The following EPB41L2 variants were observed in gnomAD, a reference collection of about 807,000 sequenced individuals.
EPB41L2 encodes the protein erythrocyte membrane protein band 4.1 like 2, also known as band 4.1-like protein 2.
A neutral mutation model predicts 113.0 loss-of-function variants in EPB41L2; 43 were observed. The observed-to-expected ratio is 0.38, with a 90% CI of 0.30 to 0.49. EPB41L2 has a LOEUF of 0.49. Ranked by LOEUF, EPB41L2 falls within the 20% of genes least tolerant of loss-of-function variation. The probability of loss-of-function intolerance (pLI) is 0.95; values close to 1 mark genes in which losing one functional copy is unlikely to be tolerated. For synonymous variants in EPB41L2, 442 were observed against 436.7 expected (o/e 1.01, Z -0.15); for missense variants, 1,147 against 1,223.4 (o/e 0.94, Z 0.93).
intron 1 of EPB41L2, among the ~76,000 whole-genome samples, chr6:131,041,118 A>G (rs898163239): frequency 6.6e-6 from 1 of 152,226 alleles, no homozygotes; most frequent in African/African-American, 2.4e-5. Flanking sequence ...GAATGACTGG[A>G]GAGACTTTAA....
intron 3 of EPB41L2, 60 bp downstream of exon 3, chr6:130,955,045 T>C: frequency 6.8e-7 from 1 of 1,459,908 alleles, no homozygotes; most frequent in Non-Finnish European, 9.5e-7. Flanking sequence ...AAAAATCTAT[T>C]CATCATGCCA....
chr6:130,981,453 G>A (rs1160864239), intron 1 of EPB41L2, among the ~76,000 whole-genome samples: 1 of 152,154 alleles, frequency 6.6e-6, no homozygotes, highest in African/African-American at 2.4e-5. Flanking sequence ...CAGTTTAAAA[G>A]ACAAGATAAT....
At chr6:130,932,495 A>G (rs1807237696) in intron 3 of EPB41L2, among the ~76,000 whole-genome samples, 1 of 152,206 alleles carries the variant, frequency 6.6e-6, no homozygotes, top group Admixed American at 6.5e-5. Context: ...GCCCCAGATA[A>G]AGAGAACCAC....
intron 19 of EPB41L2, among the ~76,000 whole-genome samples, chr6:130,842,838 A>C (rs1389708701): frequency 6.6e-6 from 1 of 152,228 alleles, no homozygotes; most frequent in Admixed American, 6.5e-5. Flanking sequence ...AGTTACCCAA[A>C]TAAACTCAAA....
intron 1 of EPB41L2, among the ~76,000 whole-genome samples, chr6:131,045,883 T>A (rs1795341367): frequency 6.6e-6 from 1 of 151,640 alleles, no homozygotes; most frequent in African/African-American, 2.4e-5. Context: ...TATAAAGATA[T>A]AAAGATACCA....
At chr6:130,974,707 C>CT (rs1212699869) in intron 1 of EPB41L2, among the ~76,000 whole-genome samples, 5 of 87,234 alleles carry the variant, frequency 5.7e-5, no homozygotes, top group Non-Finnish European at 1.3e-4. Flanking sequence ...CCTCTTTTTT[C>CT]TTTTCTTTTC....
chr6:130,879,212 C>T (rs147831368), intron 13 of EPB41L2, among the ~76,000 whole-genome samples: 12 of 152,298 alleles, frequency 7.9e-5, no homozygotes, highest in Admixed American at 5.2e-4. Flanking sequence ...TATTCATGCA[C>T]AAGCATAGTA....
chr6:130,964,127 C>T (rs9402303), intron 1 of EPB41L2, among the ~76,000 whole-genome samples: 76,225 of 151,620 alleles, frequency 0.5, 21,872 homozygotes, highest in East Asian at 0.94. Context: ...GTTCAAGCGA[C>T]TCTCCTGCCT....
At chr6:130,845,897 G>C (rs1776909775) in intron 19 of EPB41L2, among the ~76,000 whole-genome samples, 1 of 152,136 alleles carries the variant, frequency 6.6e-6, no homozygotes, top group Non-Finnish European at 1.5e-5. Flanking sequence ...AGCATCTATG[G>C]GAATGTCTGA....
At chr6:131,054,926 G>A (rs1797320510) in intron 1 of EPB41L2, among the ~76,000 whole-genome samples, 2 of 152,216 alleles carry the variant, frequency 1.3e-5, no homozygotes, top group Non-Finnish European at 2.9e-5. Context: ...ACAGGCTTCA[G>A]ATGTACCTAA....
intron 1 of EPB41L2, among the ~76,000 whole-genome samples, chr6:131,025,072 T>C (rs569556563): frequency 6.6e-6 from 1 of 152,104 alleles, no homozygotes; most frequent in Non-Finnish European, 1.5e-5. Flanking sequence ...AGCCTATGCT[T>C]TTTAGATTGC....
rs759990615 is a variant in EPB41L2, at chr6:130,869,700, G to T, written c.2470C>A (p.Pro824Thr). ...IQENVGAQKI[P>T]GEKSVHEGAL... The stretch of plus-strand genomic sequence containing the variant: ...CCTTCGTGTACACTCTTCTCTCCGG[G>T]TATCTTTTGGGCACCTACATTTTCC... The change falls in exon 15 of 20, where the codon CCC becomes ACC. Residue 824 changes from proline to threonine, a missense_variant. Coordinates refer to ENST00000337057, the MANE Select transcript of EPB41L2 (RefSeq NM_001431.4). 5.2e-5 allele frequency: 84 copies of T among 1,614,054 alleles called. 3 individuals are homozygous for T. The South Asian group carries it at 9.0e-4, about 17-fold the overall frequency.
intron 1 of EPB41L2, among the ~76,000 whole-genome samples, chr6:130,963,693 A>T (rs1774215243): frequency 6.6e-6 from 1 of 152,242 alleles, no homozygotes; most frequent in South Asian, 2.1e-4. Flanking sequence ...CCAGCAACTA[A>T]GGCAATCTTG....
intron 3 of EPB41L2, among the ~76,000 whole-genome samples, chr6:130,950,685 T>G (rs577714717): frequency 6.6e-6 from 1 of 152,228 alleles, no homozygotes; most frequent in East Asian, 1.9e-4. Context: ...TTTATGAGGA[T>G]AGAATACAAC....
At chr6:131,047,706 G>C (rs1795724744) in intron 1 of EPB41L2, among the ~76,000 whole-genome samples, 1 of 152,086 alleles carries the variant, frequency 6.6e-6, no homozygotes, top group African/African-American at 2.4e-5. Context: ...AGGTTGCTTT[G>C]ATTTTTATAA....
chr6:130,990,591 G>T (rs1240862883), intron 1 of EPB41L2, among the ~76,000 whole-genome samples: 2 of 152,190 alleles, frequency 1.3e-5, no homozygotes, highest in Non-Finnish European at 2.9e-5. Flanking sequence ...TGGGAAAAGA[G>T]AGATGGTACG....
Position 131,058,676 on chromosome 6 carries a change from C to A in EPB41L2, c.-15+4479G>T, listed in dbSNP as rs184918504. Among the ~76,000 whole-genome samples, 6 of 152,316 alleles carry A rather than the reference C, an allele frequency of 3.9e-5. No individual in the cohort carries two copies. In the East Asian group the frequency reaches 5.8e-4, roughly 15 times the overall value. On this transcript the variant is annotated intron_variant, in intron 1 of 19. Coordinates refer to ENST00000337057, the MANE Select transcript of EPB41L2 (RefSeq NM_001431.4). Reference sequence around the variant, plus strand: ...TTCCCTCTCTCATATGAAATACACACACATACACATACTTTATAGAAAAAG... The same window carrying A: ...TTCCCTCTCTCATATGAAATACACAAACATACACATACTTTATAGAAAAAG...
At chr6:131,004,286 T>C (rs775831564) in intron 1 of EPB41L2, among the ~76,000 whole-genome samples, 1 of 152,124 alleles carries the variant, frequency 6.6e-6, no homozygotes, top group Admixed American at 6.5e-5. Context: ...CGACAGGGAA[T>C]GACAAAAGTG....
At chr6:130,912,394 A>C (rs567152702) in intron 4 of EPB41L2, among the ~76,000 whole-genome samples, 1 of 152,376 alleles carries the variant, frequency 6.6e-6, no homozygotes, top group South Asian at 2.1e-4. Flanking sequence ...GTAAAACAGT[A>C]AGATGCTGTG....
Sources: allele counts gnomAD v4.1 joint callset (sites outside exome capture counted in the v4.1 genomes callset), GRCh38; gene constraint gnomAD v4.1.1; transcripts MANE v1.5; gene names NCBI Gene and HGNC (gene_info 2026-07-23, HGNC 2026-07-21).